The following CALN1 variants were observed in gnomAD, a reference collection of about 807,000 sequenced individuals.
CALN1 encodes calneuron 1.
Under a neutral mutation model 30.6 loss-of-function variants are expected in CALN1, and 17 were observed. That is an observed-to-expected ratio of 0.56 (90% CI 0.38 to 0.83). The LOEUF (loss-of-function observed/expected upper bound fraction) is 0.83. Ranked by LOEUF, CALN1 falls within the 40% of genes least tolerant of loss-of-function variation. The probability of loss-of-function intolerance (pLI) is 0.00; values close to 1 mark genes in which losing one functional copy is unlikely to be tolerated. For synonymous variants in CALN1, 156 were observed against 131.4 expected (o/e 1.19, Z -1.28); for missense variants, 291 against 354.9 (o/e 0.82, Z 1.45).
At chr7:71,972,719 C>G (rs569840796) in intron 5 of CALN1, among the ~76,000 whole-genome samples, 1 of 152,134 alleles carries the variant, frequency 6.6e-6, no homozygotes, top group African/African-American at 2.4e-5. Flanking sequence ...CAGCTTCGTG[C>G]GTGCTTCATT....
the CALN1 span, among the ~76,000 whole-genome samples, chr7:72,478,841 T>C: frequency 3.9e-5 from 6 of 151,932 alleles, no homozygotes; most frequent in Non-Finnish European, 7.3e-5. Flanking sequence ...AACTAAGGTA[T>C]TGATTGTTTC....
chr7:72,271,320 A>G (rs1441442373), intron 3 of CALN1, among the ~76,000 whole-genome samples: 4 of 151,892 alleles, frequency 2.6e-5, no homozygotes, highest in African/African-American at 9.7e-5. Flanking sequence ...GGAGACAAAG[A>G]GTGTGCCTCA....
At chr7:72,132,320 G>C (rs1809207023) in intron 3 of CALN1, among the ~76,000 whole-genome samples, 1 of 152,104 alleles carries the variant, frequency 6.6e-6, no homozygotes, top group Admixed American at 6.5e-5. Context: ...ATAATAAAGT[G>C]TTGAGTATCT....
intron 4 of CALN1, among the ~76,000 whole-genome samples, chr7:72,104,905 T>C (rs860012): frequency 0.75 from 113,863 of 152,044 alleles, 42,882 homozygotes; most frequent in East Asian, 0.97. Context: ...TGCAGTGAGT[T>C]GAGATCGCAT....
intron 2 of CALN1, among the ~76,000 whole-genome samples, chr7:72,402,691 C>G (rs1806423303): frequency 6.6e-6 from 1 of 152,116 alleles, no homozygotes. Flanking sequence ...TAGAAAACTC[C>G]TCACCCCGAA....
chr7:72,369,928 A>G (rs1189157491), intron 2 of CALN1, among the ~76,000 whole-genome samples: 2 of 152,216 alleles, frequency 1.3e-5, no homozygotes, highest in African/African-American at 4.8e-5. Context: ...TGCAATTAGT[A>G]GTCATGTTTG....
At chr7:72,035,288 C>T (rs1801726823) in intron 4 of CALN1, among the ~76,000 whole-genome samples, 1 of 152,142 alleles carries the variant, frequency 6.6e-6, no homozygotes, top group African/African-American at 2.4e-5. Context: ...TCCCCCTACC[C>T]TCCAGCCCCT....
intron 3 of CALN1, among the ~76,000 whole-genome samples, chr7:72,250,026 T>G (rs571725310): frequency 6.6e-6 from 1 of 151,810 alleles, no homozygotes; most frequent in Non-Finnish European, 1.5e-5. Context: ...GACCGCTCCT[T>G]TAACTCAGAT....
intron 3 of CALN1, among the ~76,000 whole-genome samples, chr7:72,140,330 AGAAGGAAGGAAG>A (rs879296354): frequency 1.0e-5 from 1 of 96,884 alleles, no homozygotes; most frequent in East Asian, 3.5e-4. Context: ...AGAGAAAGGG[AGAAGGAAGGAAG>A]GGAGGGAGGG....
chr7:71,817,843 A>G (rs1584287083), intron 5 of CALN1, among the ~76,000 whole-genome samples: 1 of 150,428 alleles, frequency 6.6e-6, no homozygotes, highest in Non-Finnish European at 1.5e-5. Flanking sequence ...ACATTACGTA[A>G]CCTTATAATT....
At chr7:72,301,985 A>G (rs1459196373) in intron 2 of CALN1, among the ~76,000 whole-genome samples, 1 of 152,182 alleles carries the variant, frequency 6.6e-6, no homozygotes, top group Non-Finnish European at 1.5e-5. Flanking sequence ...TGGAAAAAAG[A>G]AGAGACCTTG....
chr7:71,803,759 G>GCACC (rs1475353029), intron 6 of CALN1, among the ~76,000 whole-genome samples: 12 of 152,126 alleles, frequency 7.9e-5, no homozygotes, highest in Admixed American at 7.2e-4. Context: ...CTGCCTGGGT[G>GCACC]CAGGCAGGAA....
chr7:71,870,167 G>C (rs1791838854), intron 5 of CALN1, among the ~76,000 whole-genome samples: 1 of 152,210 alleles, frequency 6.6e-6, no homozygotes, highest in Non-Finnish European at 1.5e-5. Flanking sequence ...CCGATCACCT[G>C]AGGTCAGGAG....
At chr7:72,454,037 C>A in the CALN1 span, among the ~76,000 whole-genome samples, 1 of 151,008 alleles carries the variant, frequency 6.6e-6, no homozygotes, top group Non-Finnish European at 1.5e-5. Flanking sequence ...AAAAACTTTG[C>A]TTTGGGAGAA....
chr7:71,885,431 C>T (rs1173417130), intron 5 of CALN1, among the ~76,000 whole-genome samples: 2 of 152,184 alleles, frequency 1.3e-5, no homozygotes, highest in African/African-American at 4.8e-5. Flanking sequence ...GGATTACAGG[C>T]GTGAGCCACC....
At chr7:72,359,048 A>G (rs1036888561) in intron 2 of CALN1, among the ~76,000 whole-genome samples, 2 of 151,642 alleles carry the variant, frequency 1.3e-5, no homozygotes, top group African/African-American at 4.9e-5. Context: ...CTTCTTCCCC[A>G]TGAAGAGGCC....
intron 3 of CALN1, among the ~76,000 whole-genome samples, chr7:72,213,649 AAAGGC>A (rs1004615392): frequency 2.0e-5 from 3 of 152,328 alleles, no homozygotes; most frequent in Admixed American, 1.3e-4. Flanking sequence ...AGCATTGCAG[AAAGGC>A]AAGAGTGATG....
chr7:72,013,947 G>A (rs1357708245), intron 5 of CALN1, among the ~76,000 whole-genome samples: 1 of 151,974 alleles, frequency 6.6e-6, no homozygotes, highest in Non-Finnish European at 1.5e-5. Context: ...TTAAATTATA[G>A]GGCTTTAAAA....
chr7:72,448,636 C>T (rs961918300), upstream of CALN1, among the ~76,000 whole-genome samples: 5 of 151,402 alleles, frequency 3.3e-5, no homozygotes, highest in Non-Finnish European at 7.4e-5. Context: ...GACGGAGTCT[C>T]ACTCTGTTGC....
Sources: allele counts gnomAD v4.1 joint callset (sites outside exome capture counted in the v4.1 genomes callset), GRCh38; gene constraint gnomAD v4.1.1; transcripts MANE v1.5; gene names NCBI Gene and HGNC (gene_info 2026-07-23, HGNC 2026-07-21).